Variants in JAKMIP1 observed in about 807,000 individuals in gnomAD.
JAKMIP1 encodes the protein janus kinase and microtubule interacting protein 1.
A neutral mutation model predicts 113.0 loss-of-function variants in JAKMIP1; 33 were observed. The observed-to-expected ratio is 0.29, with a 90% CI of 0.22 to 0.39. The LOEUF is 0.39. JAKMIP1 is among the 10% of genes least tolerant of loss of function. The pLI is 1.00. For missense variants in JAKMIP1, 813 were observed against 1,080.5 expected (o/e 0.75, Z 3.47); for synonymous variants, 480 against 459.9 (o/e 1.04, Z -0.56).
At position 6,064,390 on chromosome 4, in the gene JAKMIP1, T is replaced by G. The variant is rs930366870; in HGVS notation, c.1431+490A>C. Among the ~76,000 whole-genome samples, 3 of 152,194 alleles carry G rather than the reference T, an allele frequency of 2.0e-5. No individual in the cohort carries two copies. Among genetic ancestry groups the G allele is most frequent in the African/African-American group, 7.2e-5 (3 of 41,446 alleles). On this transcript the variant is annotated intron_variant, in intron 9 of 20. Coordinates refer to ENST00000409021, the MANE Select transcript of JAKMIP1 (RefSeq NM_001099433.2). The surrounding 1 kb of genome is among the most constrained non-coding windows in gnomAD (Gnocchi z 4.3). ...GTCAGGACAGGGTGAGGCGGTGACC[T>G]TGGGGTGATGGGACTTCAGGGCTCT...
Position 6,048,898 on chromosome 4 carries a change from C to T in JAKMIP1, c.1987G>A (p.Ala663Thr), listed in dbSNP as rs757688830. The T allele has an allele frequency of 1.2e-5, 20 of 1,613,974 alleles. No individual in the cohort carries two copies. Among genetic ancestry groups the T allele is most frequent in the Non-Finnish European group, 1.6e-5 (19 of 1,179,846 alleles). Residue 663 changes from alanine (A) to threonine (T), a missense_variant, in exon 16 of 21, where the codon GCA (alanine) becomes ACA (threonine). Around this residue, in one of 2 missense-constraint regions of JAKMIP1, gnomAD observed 273 missense variants for 426.6 expected, o/e 0.64. Coordinates refer to ENST00000409021, the MANE Select transcript of JAKMIP1 (RefSeq NM_001099433.2). ...AGCACAGTTCCAGCTTGGATTATTG[C>T]AACCTGTTCTTCATTTCTCAAATTC... is the stretch of plus-strand genomic sequence containing the variant. ...NGNLRNEEQV[A>T]IIQAGTVLAL...
At chr4:6,037,006 G>A (rs1452423899) in intron 18 of JAKMIP1, among the ~76,000 whole-genome samples, 1 of 150,294 alleles carries the variant, frequency 6.7e-6, no homozygotes, top group Non-Finnish European at 1.5e-5. Flanking sequence ...TGAGGCAGAG[G>A]TTAACCCAGT....
intron 1 of JAKMIP1, among the ~76,000 whole-genome samples, chr4:6,131,837 A>G (rs1287979108): frequency 6.6e-6 from 1 of 152,260 alleles, no homozygotes; most frequent in Non-Finnish European, 1.5e-5. Context: ...TCACCAGTGT[A>G]GAATTCTGTA....
chr4:6,084,334 A>G (rs1312265286), intron 5 of JAKMIP1, among the ~76,000 whole-genome samples: 1 of 151,710 alleles, frequency 6.6e-6, no homozygotes, highest in Admixed American at 6.6e-5. Flanking sequence ...AAAAAAAAAA[A>G]AGAATAATTT....
At chr4:6,152,095 G>A (rs887790336) in intron 1 of JAKMIP1, among the ~76,000 whole-genome samples, 1 of 151,904 alleles carries the variant, frequency 6.6e-6, no homozygotes, top group Non-Finnish European at 1.5e-5. Flanking sequence ...AAAGAGACAG[G>A]GGAAGGAAGA....
intron 16 of JAKMIP1, among the ~76,000 whole-genome samples, chr4:6,048,054 T>A (rs943035645): frequency 4.6e-5 from 7 of 152,152 alleles, no homozygotes; most frequent in Non-Finnish European, 1.0e-4. Flanking sequence ...GCAATTACAA[T>A]TCACAAGGAA....
rs988805605 is a variant in JAKMIP1 at position 6,168,917 on chromosome 4, A to C, written c.-148+31336T>G. On this transcript the variant is annotated intron_variant, in intron 1 of 20. Coordinates refer to ENST00000409021, the MANE Select transcript of JAKMIP1 (RefSeq NM_001099433.2). The surrounding 1 kb of genome is among the most constrained non-coding windows in gnomAD (Gnocchi z 4.6). The stretch of plus-strand genomic sequence containing the variant: ...GCCTGTCTCAAAAAATAAAAACAAA[A>C]AAAAAAATCATAGGGACAAGAAGTA... 4.6e-5 allele frequency among the ~76,000 whole-genome samples: 7 copies of C among 151,990 alleles called. No homozygotes were observed. The highest frequency in any genetic ancestry group is 8.8e-5 in the Non-Finnish European group (6 of 67,992).
At chr4:6,026,587 T>C (rs1560615342) in intron 20 of JAKMIP1, among the ~76,000 whole-genome samples, 1 of 152,028 alleles carries the variant, frequency 6.6e-6, no homozygotes, top group Admixed American at 6.5e-5. Context: ...GATGTGGCCT[T>C]CATGCAGAAC....
At chr4:6,100,156 T>C (rs935959330) in intron 3 of JAKMIP1, among the ~76,000 whole-genome samples, 3 of 152,244 alleles carry the variant, frequency 2.0e-5, no homozygotes, top group Non-Finnish European at 2.9e-5. Context: ...TTTTAGTAAG[T>C]CTTCCAAGTT....
At position 6,042,458 on chromosome 4, in the gene JAKMIP1, G is replaced by A. The variant is rs1350911569; in HGVS notation, c.2029-231C>T. On this transcript the variant is annotated intron_variant, in intron 16 of 20. Transcript: ENST00000409021. The surrounding 1 kb of genome is among the most constrained non-coding windows in gnomAD (Gnocchi z 5.2). The stretch of plus-strand genomic sequence containing the variant: ...GGTGTGAGTGTGACATGTACGTGGT[G>A]TGGAAGCTGGATTCAGAGCCTGGAT... Among the ~76,000 whole-genome samples, 1 of 152,154 alleles carries A rather than the reference G, an allele frequency of 6.6e-6. No individual in the cohort carries two copies. The highest frequency in any genetic ancestry group is 1.5e-5 in the Non-Finnish European group (1 of 68,036).
At chr4:6,060,311 G>T (rs898967680) in intron 11 of JAKMIP1, 113 bp downstream of exon 11, 1 of 795,830 alleles carries the variant, frequency 1.3e-6, no homozygotes, top group Non-Finnish European at 2.2e-6. Context: ...CGTCTCTGGA[G>T]CTCCTGATCC....
intron 1 of JAKMIP1, among the ~76,000 whole-genome samples, chr4:6,123,417 A>G (rs1018709417): frequency 7.9e-5 from 12 of 152,248 alleles, no homozygotes; most frequent in African/African-American, 2.9e-4. Context: ...AGACACAGGC[A>G]GGAAAATGAA....
chr4:6,163,593 T>C (rs1178984237), intron 1 of JAKMIP1, among the ~76,000 whole-genome samples: 2 of 152,344 alleles, frequency 1.3e-5, no homozygotes, highest in South Asian at 2.1e-4. Flanking sequence ...ATGAGTTGCA[T>C]GTCTCTCACT....
chr4:6,045,533 C>T (rs971693455), intron 16 of JAKMIP1, among the ~76,000 whole-genome samples: 3 of 152,198 alleles, frequency 2.0e-5, no homozygotes, highest in Admixed American at 6.5e-5. Flanking sequence ...AACACAGGCA[C>T]ATCATAGGAC....
chr4:6,180,033 A>G lies in JAKMIP1; in HGVS notation c.-148+20220T>C, dbSNP rs138796414. ...TTAGAAGCCATGCAAGAACATTTGC[A>G]GGGATAAACAGCAGGCTCCTTCCTG... is the stretch of plus-strand genomic sequence containing the variant. On this transcript the variant is annotated intron_variant, in intron 1 of 20. Coordinates refer to ENST00000409021, the MANE Select transcript of JAKMIP1 (RefSeq NM_001099433.2). This position sits in a 1 kb window ranked among gnomAD's most constrained non-coding sequence, Gnocchi z 4.5. Among the ~76,000 whole-genome samples the G allele has an allele frequency of 1.1e-4, 16 of 152,206 alleles. No individual in the cohort carries two copies. The highest frequency in any genetic ancestry group is 2.6e-4 in the Admixed American group (4 of 15,280).
chr4:6,155,014 T>C lies in JAKMIP1; in HGVS notation c.-147-42017A>G, dbSNP rs1722059649. The stretch of plus-strand genomic sequence containing the variant: ...GAGGCTTCCTTCCTTGTCCTGTGGA[T>C]AAAGGAATTTAAAGCTCATTCCCGA... On this transcript the variant is annotated intron_variant, in intron 1 of 20. Coordinates refer to ENST00000409021, the MANE Select transcript of JAKMIP1 (RefSeq NM_001099433.2). The surrounding 1 kb of genome is among the most constrained non-coding windows in gnomAD (Gnocchi z 6.1). Among the ~76,000 whole-genome samples the C allele has an allele frequency of 2.0e-5, 3 of 152,104 alleles. No individual in the cohort carries two copies. Among genetic ancestry groups the C allele is most frequent in the African/African-American group, 7.2e-5 (3 of 41,404 alleles).
chr4:6,099,031 G>A (rs1364772984), intron 3 of JAKMIP1, among the ~76,000 whole-genome samples: 1 of 152,182 alleles, frequency 6.6e-6, no homozygotes, highest in Non-Finnish European at 1.5e-5. Context: ...TCCCAGTGCT[G>A]TGTAATATCC....
rs190991226 is a variant in JAKMIP1 at position 6,146,985 on chromosome 4, T to C, written c.-147-33988A>G. 2.6e-4 allele frequency among the ~76,000 whole-genome samples: 39 copies of C among 152,054 alleles called. No homozygotes were observed. In the East Asian group the frequency reaches 3.3e-3, roughly 13 times the overall value. On this transcript the variant is annotated intron_variant, in intron 1 of 20. Coordinates refer to ENST00000409021, the MANE Select transcript of JAKMIP1 (RefSeq NM_001099433.2). ...TTTTTTTGTTTTTGGGGGGATGGAG[T>C]TTTGCTCTTGTTGCCCAGGCTGGAG...
rs1715442823 is a variant in JAKMIP1, at chr4:6,049,889, A to G, written c.1909-17T>C. The G allele has an allele frequency of 6.2e-7, 1 of 1,603,488 alleles. No homozygotes were observed. The highest frequency in any genetic ancestry group is 8.5e-7 in the Non-Finnish European group (1 of 1,170,950). On this transcript the variant is annotated splice_polypyrimidine_tract_variant and intron_variant, in intron 14 of 20. Coordinates refer to ENST00000409021, the MANE Select transcript of JAKMIP1 (RefSeq NM_001099433.2). The surrounding 1 kb of genome is among the most constrained non-coding windows in gnomAD (Gnocchi z 7.0). ...ATTCACATCCTGGAAGAGATTTCCA[A>G]CGTTCATTTTTGTGTGAGCTACAGA...
Sources: allele counts gnomAD v4.1 joint callset (sites outside exome capture counted in the v4.1 genomes callset), GRCh38; gene constraint gnomAD v4.1.1; regional missense constraint gnomAD v4.1.1; non-coding constraint Gnocchi (gnomAD v3.1); transcripts MANE v1.5; gene names NCBI Gene and HGNC (gene_info 2026-07-23, HGNC 2026-07-21).